GRM7: variants seen among roughly 807,000 people sequenced by gnomAD.
GRM7 encodes glutamate metabotropic receptor 7.
GRM7 carries 35 observed loss-of-function variants against 84.5 expected under a neutral mutation model. The observed-to-expected ratio is 0.41, with a 90% CI of 0.32 to 0.55. The LOEUF (loss-of-function observed/expected upper bound fraction) is 0.55, where lower values mean the gene tolerates loss of function less well. Among genes scored for constraint, GRM7 ranks in the 20% least tolerant of loss-of-function variants. The pLI is 0.19. For missense variants in GRM7, 1,003 were observed against 1,194.6 expected (o/e 0.84, Z 2.36); for synonymous variants, 487 against 455.1 (o/e 1.07, Z -0.89).
chr3:7,178,534 A>G (rs1365344358), intron 2 of GRM7, among the ~76,000 whole-genome samples: 2 of 152,010 alleles, frequency 1.3e-5, no homozygotes, highest in Non-Finnish European at 2.9e-5. Context: ...CTGTCTTCTA[A>G]GCTGTTTGGT....
chr3:7,511,614 A>G (rs747982353), intron 7 of GRM7, among the ~76,000 whole-genome samples: 8 of 152,296 alleles, frequency 5.3e-5, no homozygotes, highest in Admixed American at 2.0e-4. Context: ...GTGACTGAAC[A>G]CCTGGGAGCC....
chr3:7,249,827 C>T (rs1216105482), intron 2 of GRM7, among the ~76,000 whole-genome samples: 3 of 152,146 alleles, frequency 2.0e-5, no homozygotes, highest in Non-Finnish European at 4.4e-5. Flanking sequence ...GTCTGAGTGG[C>T]TTTGCCTGCA....
chr3:6,994,933 G>A (rs1374743052), intron 1 of GRM7, among the ~76,000 whole-genome samples: 1 of 152,144 alleles, frequency 6.6e-6, no homozygotes, highest in Non-Finnish European at 1.5e-5. Flanking sequence ...TTCTTCACGG[G>A]CTACACTTTC....
At chr3:7,383,367 T>C (rs958728909) in intron 4 of GRM7, among the ~76,000 whole-genome samples, 1 of 152,112 alleles carries the variant, frequency 6.6e-6, no homozygotes, top group Non-Finnish European at 1.5e-5. Context: ...GGGATGGACA[T>C]AAAGATGGTT....
At chr3:7,654,403 C>A (rs1236567148) in intron 8 of GRM7, among the ~76,000 whole-genome samples, 1 of 152,074 alleles carries the variant, frequency 6.6e-6, no homozygotes, top group Non-Finnish European at 1.5e-5. Flanking sequence ...AAGCATCACC[C>A]ACTCCAGTCA....
At chr3:7,600,920 G>C (rs1313866343) in intron 8 of GRM7, among the ~76,000 whole-genome samples, 1 of 152,090 alleles carries the variant, frequency 6.6e-6, no homozygotes, top group Non-Finnish European at 1.5e-5. Context: ...GACAGAAATA[G>C]ATAGCAATGT....
rs147978497 is a variant in GRM7 at position 7,599,601 on chromosome 3, C to T, written c.2451+20244C>T. Among the ~76,000 whole-genome samples the T allele has an allele frequency of 1.4e-3, 215 of 152,148 alleles. 1 individual carries two copies. Among genetic ancestry groups the T allele is most frequent in the African/African-American group, 4.8e-3 (201 of 41,506 alleles). ...TGCTTCAGCATCCAAACAAAGATGT[C>T]CACTCTATAGCTAGTAAAACATTGC... is the stretch of plus-strand genomic sequence containing the variant. On this transcript the variant is annotated intron_variant, in intron 8 of 9. Coordinates refer to ENST00000357716, the MANE Select transcript of GRM7 (RefSeq NM_000844.4).
chr3:7,723,941 T>A (rs912086125), intron 9 of GRM7, among the ~76,000 whole-genome samples: 1 of 152,196 alleles, frequency 6.6e-6, no homozygotes, highest in Non-Finnish European at 1.5e-5. Context: ...AATATACTTG[T>A]TGGAGAGCCA....
At chr3:7,315,350 T>C (rs1267442986) in intron 4 of GRM7, among the ~76,000 whole-genome samples, 1 of 152,198 alleles carries the variant, frequency 6.6e-6, no homozygotes, top group African/African-American at 2.4e-5. Context: ...ATAGGTACTT[T>C]TCAATGCCCT....
At chr3:6,875,352 G>A (rs920467713) in intron 1 of GRM7, among the ~76,000 whole-genome samples, 1 of 151,984 alleles carries the variant, frequency 6.6e-6, no homozygotes, top group Non-Finnish European at 1.5e-5. Flanking sequence ...ATGTGCTGAG[G>A]GCGGGGCCAG....
intron 7 of GRM7, among the ~76,000 whole-genome samples, chr3:7,493,571 T>A (rs536571432): frequency 6.6e-6 from 1 of 152,132 alleles, no homozygotes; most frequent in East Asian, 1.9e-4. Flanking sequence ...AAGTTGAATT[T>A]GAAGTGAGTT....
intron 2 of GRM7, among the ~76,000 whole-genome samples, chr3:7,265,557 A>G (rs1698605817): frequency 6.6e-6 from 1 of 152,180 alleles, no homozygotes; most frequent in Non-Finnish European, 1.5e-5. Context: ...CCCAAGAGAA[A>G]GCAGCAATGC....
chr3:7,253,682 G>A (rs78666926), intron 2 of GRM7, among the ~76,000 whole-genome samples: 1 of 149,644 alleles, frequency 6.7e-6, no homozygotes. Flanking sequence ...GGTACTATTT[G>A]TTTTCCCACC....
chr3:7,568,182 C>A (rs903925054), intron 7 of GRM7, among the ~76,000 whole-genome samples: 1 of 152,112 alleles, frequency 6.6e-6, no homozygotes, highest in Non-Finnish European at 1.5e-5. Flanking sequence ...TGCTTGGGAA[C>A]TGGGGAGCCT....
chr3:7,282,921 T>A (rs977121241), intron 2 of GRM7, among the ~76,000 whole-genome samples: 1 of 152,220 alleles, frequency 6.6e-6, no homozygotes, highest in Admixed American at 6.5e-5. Context: ...TATCCAAGGA[T>A]TAACCAACAG....
intron 1 of GRM7, among the ~76,000 whole-genome samples, chr3:6,978,108 A>G (rs1412273539): frequency 6.6e-6 from 1 of 152,154 alleles, no homozygotes; most frequent in African/African-American, 2.4e-5. Context: ...AGAACATCAT[A>G]GTTTATATGG....
intron 4 of GRM7, among the ~76,000 whole-genome samples, chr3:7,315,666 T>G (rs1700557306): frequency 6.6e-6 from 1 of 152,226 alleles, no homozygotes; most frequent in African/African-American, 2.4e-5. Context: ...ATAGGCACAT[T>G]GACCTCTGTT....
chr3:7,331,048 T>C (rs1701189648), intron 4 of GRM7, among the ~76,000 whole-genome samples: 1 of 152,202 alleles, frequency 6.6e-6, no homozygotes, highest in African/African-American at 2.4e-5. Context: ...ACAACACTTA[T>C]GAATATCTGA....
chr3:7,244,254 T>C (rs990495662), intron 2 of GRM7, among the ~76,000 whole-genome samples: 2 of 152,144 alleles, frequency 1.3e-5, no homozygotes, highest in Non-Finnish European at 2.9e-5. Flanking sequence ...ACAGACATAT[T>C]GTACAGCTAT....
Sources: gnomAD v4.1 joint callset for allele counts (sites outside exome capture counted in the v4.1 genomes callset) on GRCh38, gnomAD v4.1.1 for gene constraint, MANE v1.5 for transcripts, NCBI Gene and HGNC (gene_info 2026-07-23, HGNC 2026-07-21) for gene names.